The following PNPLA1 variants were observed in gnomAD, a reference collection of about 807,000 sequenced individuals.
PNPLA1 encodes the protein omega-hydroxyceramide transacylase.
A neutral mutation model predicts 51.7 loss-of-function variants in PNPLA1; 36 were observed. The observed-to-expected ratio is 0.70, with a 90% CI of 0.53 to 0.92. PNPLA1 has a LOEUF of 0.92. PNPLA1 is among the 40% of genes least tolerant of loss of function. The pLI, the probability that PNPLA1 is intolerant of heterozygous loss-of-function variation, is 0.00. For synonymous variants in PNPLA1, 293 were observed against 280.1 expected, an observed-to-expected ratio of 1.05 and a Z score of -0.46; for missense variants, 658 against 682.5, an observed-to-expected ratio of 0.96 and a Z score of 0.40.
In PNPLA1 at chr6:36,307,747, G is replaced by C. The variant is rs779926196; in HGVS notation, c.1595+35G>C. 5.0e-6 allele frequency: 8 copies of C among 1,611,048 alleles called. No individual in the cohort carries two copies. In the East Asian group the frequency reaches 1.8e-4, roughly 36 times the overall value. ...TCTAATGTTCCTTAAATCCCACGGA[G>C]AGGAGCAGCTTTGGGAACTGTGTTC... On this transcript the variant is annotated intron_variant, in intron 8 of 8. Transcript: ENST00000636260.
chr6:36,300,178 T>TGTGTGTGTGTGAGAGA, intron 5 of PNPLA1, among the ~76,000 whole-genome samples: 6 of 98,140 alleles, frequency 6.1e-5, no homozygotes, highest in African/African-American at 2.0e-4. Context: ...TGTGTGTGTG[T>TGTGTGTGTGTGAGAGA]GAGAGAGAGA....
At position 36,301,449 on chromosome 6, in the gene PNPLA1, C is replaced by T. The variant is rs538303230; in HGVS notation, c.776-412C>T. ...GCCCCACACTGACCTTTCAGGCCCC[C>T]GACCACCTGGTGTGTCCTCAAACTT... is the stretch of plus-strand genomic sequence containing the variant. On this transcript the variant is annotated intron_variant, in intron 5 of 8. Transcript: ENST00000636260. Among the ~76,000 whole-genome samples, 102 of 152,230 alleles carry T rather than the reference C, an allele frequency of 6.7e-4. 1 individual carries two copies. The highest frequency in any genetic ancestry group is 2.3e-3 in the African/African-American group (95 of 41,536).
In PNPLA1 at chr6:36,270,445, T is replaced by C. The variant is rs1192891798; in HGVS notation, c.-15T>C. On this transcript the variant is annotated 5_prime_UTR_variant, in exon 1 of 9. Transcript: ENST00000636260. ...GGGTGGCTCCGCCTTCCGCAGAAAG[T>C]CAGAGGCCGAGGAGATGGAAGAACA... 1 of 1,550,672 alleles carries C rather than the reference T, an allele frequency of 6.4e-7. No homozygotes were observed. Among genetic ancestry groups the C allele is most frequent in the Admixed American group, 2.0e-5 (1 of 51,002 alleles).
At chr6:36,248,017 T>C (rs1434453832) in intron 1 of PNPLA1, among the ~76,000 whole-genome samples, 1 of 152,170 alleles carries the variant, frequency 6.6e-6, no homozygotes, top group African/African-American at 2.4e-5. Flanking sequence ...GAGCCCGAAC[T>C]GGAACCCAGA....
At chr6:36,282,136 G>GGAAAGAAGGAAA (rs1406503208) in intron 1 of PNPLA1, among the ~76,000 whole-genome samples, 1 of 124,046 alleles carries the variant, frequency 8.1e-6, no homozygotes, top group Non-Finnish European at 1.7e-5. Flanking sequence ...AAGGAAGGAA[G>GGAAAGAAGGAAA]GAAAGAGAGA....
In PNPLA1 at chr6:36,293,144, G is replaced by A. The variant is rs1354438810; in HGVS notation, c.504+18G>A. ...GCGGTGTGGTGAGTGCTTCGGCATG[G>A]TGAGGGGTGAGATGGGATCCAAGGG... On this transcript the variant is annotated intron_variant, in intron 3 of 8. Transcript: ENST00000636260. The A allele has an allele frequency of 1.2e-6, 2 of 1,611,644 alleles. No individual in the cohort carries two copies. The highest frequency in any genetic ancestry group is 2.2e-5 in the South Asian group (2 of 91,040).
intron 1 of PNPLA1, among the ~76,000 whole-genome samples, chr6:36,254,112 A>G (rs894019050): frequency 2.6e-5 from 4 of 152,254 alleles, no homozygotes; most frequent in Non-Finnish European, 5.9e-5. Context: ...CTAAACAACC[A>G]TTAAATAGCC....
chr6:36,307,852 C>T (rs747625740), intron 8 of PNPLA1, 140 bp downstream of exon 8: 32 of 1,118,524 alleles, frequency 2.9e-5, no homozygotes, highest in Admixed American at 1.3e-4. Flanking sequence ...CAGACACATC[C>T]GACATAAAAT....
At chr6:36,254,640 G>A (rs1383739690) in intron 1 of PNPLA1, among the ~76,000 whole-genome samples, 1 of 152,058 alleles carries the variant, frequency 6.6e-6, no homozygotes, top group African/African-American at 2.4e-5. Context: ...CTGGAGTGGA[G>A]TTTAAAAGTC....
chr6:36,277,951 G>A (rs2127329806), intron 1 of PNPLA1, among the ~76,000 whole-genome samples: 1 of 152,364 alleles, frequency 6.6e-6, no homozygotes, highest in East Asian at 1.9e-4. Context: ...TGCCCCTGTG[G>A]CAGTGGGAGC....
chr6:36,294,545 G>A lies in PNPLA1; in HGVS notation c.714+146G>A. ...AACTTCCTCCTAGACCTGCATCCTG[G>A]CCTTGCTGCTAACTAGCTATGTGAC... On this transcript the variant is annotated intron_variant, in intron 4 of 8. Transcript: ENST00000636260. The surrounding 1 kb of genome is among the most constrained non-coding windows in gnomAD (Gnocchi z 4.2). The A allele has an allele frequency of 1.4e-6, 1 of 715,458 alleles. No homozygotes were observed. The highest frequency in any genetic ancestry group is 2.3e-6 in the Non-Finnish European group (1 of 435,696). 44.3% of individuals were successfully genotyped at this position (715,458 alleles called of 1,614,324 possible).
chr6:36,268,287 C>T (rs1408681856), upstream of PNPLA1, among the ~76,000 whole-genome samples: 2 of 152,140 alleles, frequency 1.3e-5, no homozygotes, highest in African/African-American at 4.8e-5. Context: ...GTGTGCCAGG[C>T]GTCCTACAGC....
chr6:36,286,670 C>T (rs1561861698), intron 1 of PNPLA1, among the ~76,000 whole-genome samples: 1 of 152,048 alleles, frequency 6.6e-6, no homozygotes, highest in Non-Finnish European at 1.5e-5. Flanking sequence ...CTCCCAGTCT[C>T]AACATCTTTT....
intron 1 of PNPLA1, among the ~76,000 whole-genome samples, chr6:36,285,967 A>G (rs1272103671): frequency 6.6e-6 from 1 of 152,134 alleles, no homozygotes; most frequent in East Asian, 1.9e-4. Flanking sequence ...TTGATTCCAC[A>G]CATGAGCCTG....
intron 1 of PNPLA1, among the ~76,000 whole-genome samples, chr6:36,277,231 C>T (rs1770130617): frequency 1.3e-5 from 2 of 152,194 alleles, no homozygotes. Context: ...GTCCAAGAGC[C>T]CCCTGCCATA....
chr6:36,299,368 T>C (rs1414423017), intron 5 of PNPLA1, among the ~76,000 whole-genome samples: 2 of 146,670 alleles, frequency 1.4e-5, no homozygotes, highest in Non-Finnish European at 3.0e-5. Flanking sequence ...GGAGTCTCGC[T>C]CTGTCACCCA....
chr6:36,275,146 A>G (rs1365271755), intron 1 of PNPLA1, among the ~76,000 whole-genome samples: 2 of 152,112 alleles, frequency 1.3e-5, no homozygotes, highest in Non-Finnish European at 2.9e-5. Context: ...TGGCACATTC[A>G]TGGCTCACTG....
At chr6:36,287,316 T>A (rs1451608506) in intron 1 of PNPLA1, among the ~76,000 whole-genome samples, 1 of 152,090 alleles carries the variant, frequency 6.6e-6, no homozygotes, top group African/African-American at 2.4e-5. Context: ...CAGGCTATTG[T>A]GAGAGGAGGA....
intron 5 of PNPLA1, among the ~76,000 whole-genome samples, chr6:36,299,541 G>A (rs1049005450): frequency 6.6e-6 from 1 of 151,974 alleles, no homozygotes; most frequent in Non-Finnish European, 1.5e-5. Flanking sequence ...TCGCCATGTT[G>A]GCCAGGATGG....
Sources: gnomAD v4.1 joint callset for allele counts (sites outside exome capture counted in the v4.1 genomes callset) on GRCh38, gnomAD v4.1.1 for gene constraint, Gnocchi (gnomAD v3.1) non-coding constraint, MANE v1.5 for transcripts, NCBI Gene and HGNC (gene_info 2026-07-23, HGNC 2026-07-21) for gene names.